Variants in FAM209A observed in about 807,000 individuals in gnomAD.
The protein encoded by FAM209A is protein FAM209A.
FAM209A carries 4 observed loss-of-function variants against 9.8 expected under a neutral mutation model. That is an observed-to-expected ratio of 0.41 (90% CI 0.20 to 0.94). The LOEUF (loss-of-function observed/expected upper bound fraction) is 0.94, where lower values mean the gene tolerates loss of function less well. FAM209A is among the 40% of genes least tolerant of loss of function. The pLI, the probability that FAM209A is intolerant of heterozygous loss-of-function variation, is 0.32. For synonymous variants in FAM209A, 55 were observed against 77.8 expected (o/e 0.71, Z 1.54); for missense variants, 205 against 209.4 (o/e 0.98, Z 0.13).
the FAM209A span, chr20:56,533,212 A>C: frequency 1.3e-6 from 2 of 1,538,944 alleles, no homozygotes; most frequent in East Asian, 2.3e-5. Context: ...AAATCATCAC[A>C]ATGGCCAGGG....
At chr20:56,532,486 T>TC in the FAM209A span, among the ~76,000 whole-genome samples, 1,796 of 37,680 alleles carry the variant, frequency 0.048, 51 homozygotes, top group African/African-American at 0.19. Flanking sequence ...TTTTCTTTTT[T>TC]TTTTTTTTTT....
chr20:56,528,076 C>T (rs1053083792), downstream of FAM209A, among the ~76,000 whole-genome samples: 3 of 151,942 alleles, frequency 2.0e-5, no homozygotes, highest in African/African-American at 7.3e-5. Flanking sequence ...CACTGCACTC[C>T]AGCCTGGGCA....
At position 56,525,836 on chromosome 20, in the gene FAM209A, A is replaced by C. The variant is rs777184357; in HGVS notation, c.282A>C (p.Gln94His). The C allele has an allele frequency of 2.5e-6, 4 of 1,614,050 alleles. No individual in the cohort carries two copies. In the Admixed American group the frequency reaches 5.0e-5, roughly 20 times the overall value. ...GTCCTCCTGGCCTTCGAGGCGGCCA[A>C]CTTCACTCTCCATTAAAGAAAAAAA... ...EQSPPGLRGGQLHSPLKKKRN... is the reference protein window; with the variant it reads ...EQSPPGLRGGHLHSPLKKKRN... The change falls in exon 2 of 2, where the codon CAA becomes CAC. Residue 94 changes from glutamine (Q) to histidine (H), a missense_variant. Coordinates refer to ENST00000371328, the MANE Select transcript of FAM209A (RefSeq NM_001012971.4).
Position 56,525,888 on chromosome 20 carries a change from G to T in FAM209A, c.334G>T (p.Ala112Ser), listed in dbSNP as rs751585330. The T allele has an allele frequency of 1.9e-6, 3 of 1,614,194 alleles. No individual in the cohort carries two copies. In the Admixed American group the frequency reaches 5.0e-5, roughly 27 times the overall value. Residue 112 changes from alanine to serine, a missense_variant, in exon 2 of 2, where the codon GCA becomes TCA. Coordinates refer to ENST00000371328, the MANE Select transcript of FAM209A (RefSeq NM_001012971.4). ...AAATGCTTCCCCCAACAAAGACTGT[G>T]CATTCAATACCTTAATGGAACTCGA... ...KRNASPNKDC[A>S]FNTLMELEVE...
At chr20:56,531,299 G>GTTTTT in the FAM209A span, among the ~76,000 whole-genome samples, 1 of 133,998 alleles carries the variant, frequency 7.5e-6, no homozygotes, top group Non-Finnish European at 1.6e-5. Flanking sequence ...TTCTTTCTTT[G>GTTTTT]TTTTTTTTTT....
chr20:56,525,917 G>A lies in FAM209A; in HGVS notation c.363G>A (p.Val121=). Residue 121 remains valine (V), a synonymous_variant, in exon 2 of 2, where the codon GTG becomes GTA. Coordinates refer to ENST00000371328, the MANE Select transcript of FAM209A (RefSeq NM_001012971.4). Reference sequence around the variant, plus strand: ...TCAATACCTTAATGGAACTCGAGGTGGAGCTTATGAAATTTGTGTCCAAAG... The same window carrying A: ...TCAATACCTTAATGGAACTCGAGGTAGAGCTTATGAAATTTGTGTCCAAAG... The part of the protein sequence containing the change: ...CAFNTLMELE[V]ELMKFVSKVR... 1 of 1,614,186 alleles carries A rather than the reference G, an allele frequency of 6.2e-7. No homozygotes were observed. The highest frequency in any genetic ancestry group is 8.5e-7 in the Non-Finnish European group (1 of 1,180,044).
rs1054365 is a variant in FAM209A, at chr20:56,526,041, G to A, written c.487G>A (p.Glu163Lys). 7 of 1,608,234 alleles carry A rather than the reference G, an allele frequency of 4.4e-6. No individual in the cohort carries two copies. The highest frequency in any genetic ancestry group is 4.5e-5 in the East Asian group (2 of 44,792). ...PADPYHVTIC[E>K]IWGEESSS ...AGATCCATACCATGTCACGATCTGT[G>A]AAATATGGGGAGAAGAAAGCTCTAG... is the stretch of plus-strand genomic sequence containing the variant. Residue 163 changes from glutamate to lysine, a missense_variant, in exon 2 of 2, where the codon GAA becomes AAA. Physicochemically the swap from Glu to Lys is moderately conservative, Grantham distance 56. Coordinates refer to ENST00000371328, the MANE Select transcript of FAM209A (RefSeq NM_001012971.4).
chr20:56,526,147 A>G lies in FAM209A; in HGVS notation c.*77A>G. The G allele has an allele frequency of 6.7e-7, 1 of 1,486,276 alleles. No homozygotes were observed. Among genetic ancestry groups the G allele is most frequent in the Non-Finnish European group, 8.9e-7 (1 of 1,118,954 alleles). The allele number at this position is 1,486,276 out of a possible 1,614,324, so 92.1% of individuals were successfully genotyped here. A position where few individuals can be genotyped will look rare whatever the true frequency, so the allele number is the denominator to read the frequency against. On this transcript the variant is annotated 3_prime_UTR_variant, in exon 2 of 2. Coordinates refer to ENST00000371328, the MANE Select transcript of FAM209A (RefSeq NM_001012971.4). ...CAAACTAATAAAACTATTCTGAAGA[A>G]AAGAACTTCCATGTTTGAGAGCTTG... is the stretch of plus-strand genomic sequence containing the variant.
At chr20:56,532,036 G>A in the FAM209A span, among the ~76,000 whole-genome samples, 516 of 143,002 alleles carry the variant, frequency 3.6e-3, 3 homozygotes, top group African/African-American at 0.013. Context: ...GTGCAGTGGC[G>A]CCATCTAAGC....
At chr20:56,531,974 CT>C in the FAM209A span, among the ~76,000 whole-genome samples, 260 of 113,044 alleles carry the variant, frequency 2.3e-3, no homozygotes, top group African/African-American at 7.2e-3. Context: ...CTTTTCTTTT[CT>C]TTTTTTTTTT....
In FAM209A at chr20:56,525,759, A is replaced by C. The variant is rs761035093; in HGVS notation, c.250-45A>C. On this transcript the variant is annotated intron_variant, in intron 1 of 1. Transcript: ENST00000371328. ...TTGTAACACGAACTGTGTCAAAACC[A>C]ACAAAGTTCACAATATTACTGACCT... 3.1e-6 allele frequency: 5 copies of C among 1,588,854 alleles called. No individual in the cohort carries two copies. In the South Asian group the frequency reaches 4.6e-5, roughly 15 times the overall value.
chr20:56,528,427 CAAAAAAAAA>C (rs34236877), downstream of FAM209A, among the ~76,000 whole-genome samples: 14 of 81,838 alleles, frequency 1.7e-4, no homozygotes, highest in Non-Finnish European at 2.8e-4. Context: ...ACCCTCTCTA[CAAAAAAAAA>C]AAAAAAAAAA....
chr20:56,533,572 A>G, the FAM209A span: 1 of 1,614,188 alleles, frequency 6.2e-7, no homozygotes, highest in South Asian at 1.1e-5. Context: ...AGTGTCAAAG[A>G]GACAGTGAGA....
intron 1 of FAM209A, 132 bp from the exon 2 acceptor site, chr20:56,525,672 G>A: frequency 2.3e-6 from 2 of 876,358 alleles, no homozygotes; most frequent in African/African-American, 1.7e-5. Context: ...GGGCCAGGGA[G>A]GGTGCGAATA....
Position 56,525,702 on chromosome 20 carries a change from T to C in FAM209A, c.250-102T>C, listed in dbSNP as rs539256649. 4 of 1,198,756 alleles carry C rather than the reference T, an allele frequency of 3.3e-6. No individual in the cohort carries two copies. In the South Asian group the frequency reaches 4.3e-5, roughly 13 times the overall value. 74.3% of individuals were successfully genotyped at this position (1,198,756 alleles called of 1,614,324 possible). A position where few individuals can be genotyped will look rare whatever the true frequency, so the allele number is the denominator to read the frequency against. Reference sequence around the variant, plus strand: ...CGAATATCTTCAGCTTTGTGGGCAGTATGGTCTTCTTGCAACTACTCAAGT... The same window carrying C: ...CGAATATCTTCAGCTTTGTGGGCAGCATGGTCTTCTTGCAACTACTCAAGT... On this transcript the variant is annotated intron_variant, in intron 1 of 1. Coordinates refer to ENST00000371328, the MANE Select transcript of FAM209A (RefSeq NM_001012971.4).
At chr20:56,530,351 C>T (rs1164763467), downstream of FAM209A, among the ~76,000 whole-genome samples, 2 of 152,184 alleles carry the variant, frequency 1.3e-5, no homozygotes, top group South Asian at 2.1e-4. Context: ...AGAGAGGACG[C>T]TGGCAGGGCA....
chr20:56,533,349 C>T, the FAM209A span: 139 of 1,613,940 alleles, frequency 8.6e-5, no homozygotes, highest in Middle Eastern at 1.6e-4. Flanking sequence ...ACCATGTGGA[C>T]GCTGAAATCG....
chr20:56,532,327 G>C, the FAM209A span, among the ~76,000 whole-genome samples: 2 of 151,992 alleles, frequency 1.3e-5, no homozygotes, highest in African/African-American at 4.8e-5. Flanking sequence ...GTCAATGATG[G>C]TATGTGGTAA....
intron 1 of FAM209A, 117 bp from the exon 2 acceptor site, chr20:56,525,687 C>T (rs1985496137): frequency 4.7e-6 from 5 of 1,058,724 alleles, no homozygotes; most frequent in Non-Finnish European, 6.9e-6. Context: ...CGAATATCTT[C>T]AGCTTTGTGG....
Sources: gnomAD v4.1 joint callset for allele counts (sites outside exome capture counted in the v4.1 genomes callset) on GRCh38, gnomAD v4.1.1 for gene constraint, MANE v1.5 for transcripts, NCBI Gene and HGNC (gene_info 2026-07-23, HGNC 2026-07-21) for gene names.